PRICKLE1: variants seen among roughly 807,000 people sequenced by gnomAD.
The protein encoded by PRICKLE1 is prickle-like protein 1.
A neutral mutation model predicts 70.2 loss-of-function variants in PRICKLE1; 14 were observed. That is an observed-to-expected ratio of 0.20 (90% CI 0.13 to 0.31). The LOEUF (loss-of-function observed/expected upper bound fraction) is 0.31, where lower values mean the gene tolerates loss of function less well. Ranked by LOEUF, PRICKLE1 falls within the 10% of genes least tolerant of loss-of-function variation. The pLI, the probability that PRICKLE1 is intolerant of heterozygous loss-of-function variation, is 1.00. For synonymous variants in PRICKLE1, 357 were observed against 379.9 expected, an observed-to-expected ratio of 0.94 and a Z score of 0.70; for missense variants, 821 against 1,026.2, an observed-to-expected ratio of 0.80 and a Z score of 2.73.
intron 1 of PRICKLE1, among the ~76,000 whole-genome samples, chr12:42,490,187 T>C (rs1939070603): frequency 6.6e-6 from 1 of 152,208 alleles, no homozygotes; most frequent in East Asian, 1.9e-4. Flanking sequence ...TATTGATACG[T>C]CAATTCGGTA....
At chr12:42,557,348 GC>G (rs2120683947) in intron 1 of PRICKLE1, among the ~76,000 whole-genome samples, 1 of 152,146 alleles carries the variant, frequency 6.6e-6, no homozygotes, top group Admixed American at 6.5e-5. Context: ...TGAAAGAAGG[GC>G]CAAATGAAGG....
At chr12:42,500,294 G>A (rs1387695096) in intron 1 of PRICKLE1, among the ~76,000 whole-genome samples, 1 of 152,166 alleles carries the variant, frequency 6.6e-6, no homozygotes, top group African/African-American at 2.4e-5. Flanking sequence ...AATTTCTATA[G>A]ATACAAAATC....
rs762434475 is a variant in PRICKLE1, at chr12:42,465,214, C to T, written c.820G>A (p.Ala274Thr). The change falls in exon 7 of 8, where the codon GCC becomes ACC. Residue 274 changes from alanine to threonine, a missense_variant. By Grantham distance (58) the Ala-to-Thr change is moderately conservative. Coordinates refer to ENST00000345127, the MANE Select transcript of PRICKLE1 (RefSeq NM_153026.3). Reference sequence around the variant, plus strand: ...GCACAAGAAAAGCAGGCTTCCGTGGCGTGCCAGTGCTGCCCGTCATAGGTC... The same window carrying T: ...GCACAAGAAAAGCAGGCTTCCGTGGTGTGCCAGTGCTGCCCGTCATAGGTC... Reference protein sequence around the residue: ...QMTYDGQHWHATEACFSCAQC... With the variant: ...QMTYDGQHWHTTEACFSCAQC... 1.6e-5 allele frequency: 26 copies of T among 1,612,992 alleles called. No homozygotes were observed. Among genetic ancestry groups the T allele is most frequent in the South Asian group, 3.3e-5 (3 of 90,888 alleles).
rs555121991 is a variant in PRICKLE1, at chr12:42,469,439, G to A, written c.384+11C>T. Reference sequence around the variant, plus strand: ...TGCCACAAGCTACGCATCAGAGAAGGGGCTGCTCACCTGCTCACACACAGC... The same window carrying A: ...TGCCACAAGCTACGCATCAGAGAAGAGGCTGCTCACCTGCTCACACACAGC... On this transcript the variant is annotated intron_variant, in intron 4 of 7. Transcript: ENST00000345127. The A allele has an allele frequency of 5.0e-6, 8 of 1,613,844 alleles. No homozygotes were observed. In the South Asian group the frequency reaches 8.8e-5, roughly 18 times the overall value.
rs2083442328 is a variant in PRICKLE1, at chr12:42,456,823, T to C, written c.*2986A>G. On this transcript the variant is annotated 3_prime_UTR_variant, in exon 8 of 8. Transcript: ENST00000345127. ...AACTGTAAGGCAGTTGCTTCTTTCT[T>C]CCGTTGTAGATAGTCTTCTGTTATT... 6.6e-6 allele frequency: 1 copy of C among 152,230 alleles called. No individual in the cohort carries two copies. The highest frequency in any genetic ancestry group is 1.5e-5 in the Non-Finnish European group (1 of 68,046). 9.4% of individuals were successfully genotyped at this position (152,230 alleles called of 1,614,324 possible).
intron 1 of PRICKLE1, among the ~76,000 whole-genome samples, chr12:42,576,313 C>G (rs1940805929): frequency 6.6e-6 from 1 of 152,176 alleles, no homozygotes; most frequent in Admixed American, 6.5e-5. Context: ...ATGAAAGGTT[C>G]TGTAGATCCA....
rs1458624796 is a variant in PRICKLE1, at chr12:42,457,003, C to CT, written c.*2805dup. The CT allele has an allele frequency of 1.3e-5, 2 of 152,150 alleles. No individual in the cohort carries two copies. Among genetic ancestry groups the CT allele is most frequent in the East Asian group, 3.9e-4 (2 of 5,188 alleles). The allele number at this position is 152,150 out of a possible 1,614,324, so 9.4% of individuals were successfully genotyped here. A position where few individuals can be genotyped will look rare whatever the true frequency, so the allele number is the denominator to read the frequency against. ...CCAGCCTGGCCAACTTGGTGAAACA[C>CT]TGTCTCTACTAAAAATATAAAAAAT... On this transcript the variant is annotated 3_prime_UTR_variant, in exon 8 of 8. Transcript: ENST00000345127.
chr12:42,514,887 C>CTA (rs1939576928), intron 1 of PRICKLE1, among the ~76,000 whole-genome samples: 1 of 139,678 alleles, frequency 7.2e-6, no homozygotes, highest in Non-Finnish European at 1.5e-5. Flanking sequence ...TTAAGGCTCG[C>CTA]TCTATCTATC....
At chr12:42,471,712 C>T (rs1938329207) in intron 2 of PRICKLE1, among the ~76,000 whole-genome samples, 1 of 152,154 alleles carries the variant, frequency 6.6e-6, no homozygotes, top group African/African-American at 2.4e-5. Flanking sequence ...CAAATGATGC[C>T]TCTGCTCTTT....
rs142476152 is a variant in PRICKLE1, at chr12:42,512,321, G to A, written c.-48-39757C>T. 7.1e-3 allele frequency among the ~76,000 whole-genome samples: 1,044 copies of A among 147,358 alleles called. 7 individuals carry two copies. The highest frequency in any genetic ancestry group is 0.042 in the Middle Eastern group (12 of 288). On this transcript the variant is annotated intron_variant, in intron 1 of 7. Coordinates refer to ENST00000345127, the MANE Select transcript of PRICKLE1 (RefSeq NM_153026.3). ...GAGTAGCTGGGACTACAGGTGTGCGGCACCATGCCCAGCTAATTTTTTTTG... is the reference window on the plus strand; with the variant it reads ...GAGTAGCTGGGACTACAGGTGTGCGACACCATGCCCAGCTAATTTTTTTTG...
At position 42,468,777 on chromosome 12, in the gene PRICKLE1, C is replaced by A. The variant is rs767649857; in HGVS notation, c.437G>T (p.Gly146Val). ...GEVAVFASRA[G>V]PGVCWHPSCF... ...GGATGGGTGCCAGCACACACCAGGG[C>A]CCGCACGGGAGGCGAACACTGCAAC... Residue 146 changes from glycine (G) to valine (V), a missense_variant, in exon 5 of 8, where the codon GGC becomes GTC. Gly to Val is a moderately radical substitution (Grantham distance 109). Coordinates refer to ENST00000345127, the MANE Select transcript of PRICKLE1 (RefSeq NM_153026.3). 1.2e-6 allele frequency: 2 copies of A among 1,614,146 alleles called. No homozygotes were observed. Among genetic ancestry groups the A allele is most frequent in the Non-Finnish European group, 1.7e-6 (2 of 1,180,022 alleles).
chr12:42,501,894 G>A (rs530015760), intron 1 of PRICKLE1, among the ~76,000 whole-genome samples: 1 of 152,290 alleles, frequency 6.6e-6, no homozygotes, highest in South Asian at 2.1e-4. Context: ...ACAACTGCTA[G>A]TGCATTATCT....
At chr12:42,548,872 G>A (rs1940257151) in intron 1 of PRICKLE1, among the ~76,000 whole-genome samples, 1 of 152,178 alleles carries the variant, frequency 6.6e-6, no homozygotes, top group Non-Finnish European at 1.5e-5. Context: ...TATAATCCCA[G>A]CACTCTGGGA....
chr12:42,527,486 T>A (rs1423205739), intron 1 of PRICKLE1, among the ~76,000 whole-genome samples: 1 of 152,110 alleles, frequency 6.6e-6, no homozygotes, highest in East Asian at 1.9e-4. Flanking sequence ...CCTTCCAGCA[T>A]GGAAGTCAAG....
chr12:42,565,664 A>G (rs561327515), intron 1 of PRICKLE1, among the ~76,000 whole-genome samples: 1 of 152,302 alleles, frequency 6.6e-6, no homozygotes, highest in South Asian at 2.1e-4. Flanking sequence ...TGTTATGTGT[A>G]CTTGATTAGA....
chr12:42,492,333 C>T (rs953289235), intron 1 of PRICKLE1, among the ~76,000 whole-genome samples: 3 of 152,124 alleles, frequency 2.0e-5, no homozygotes, highest in Non-Finnish European at 2.9e-5. Flanking sequence ...CTATTTTGCT[C>T]ACCAGGTATT....
intron 3 of PRICKLE1, chr12:42,469,855 C>G: frequency 1.9e-6 from 1 of 538,056 alleles, no homozygotes; most frequent in Non-Finnish European, 3.3e-6. Flanking sequence ...ATATATAGGA[C>G]ATTAACCTTT....
chr12:42,581,890 G>A (rs1399172262), intron 1 of PRICKLE1, among the ~76,000 whole-genome samples: 4 of 151,936 alleles, frequency 2.6e-5, no homozygotes, highest in South Asian at 2.1e-4. Flanking sequence ...AGTTTAAAAC[G>A]CTCTCACACA....
At chr12:42,485,239 G>GTTTTTTT (rs556218718) in intron 1 of PRICKLE1, 6 of 100,814 alleles carry the variant, frequency 6.0e-5, no homozygotes, top group Non-Finnish European at 9.4e-5. Context: ...CAGCTGAGAA[G>GTTTTTTT]TTTTTTTTTT....
Sources: allele counts gnomAD v4.1 joint callset (sites outside exome capture counted in the v4.1 genomes callset), GRCh38; gene constraint gnomAD v4.1.1; transcripts MANE v1.5; gene names NCBI Gene and HGNC (gene_info 2026-07-23, HGNC 2026-07-21).